The following EIF4B variants were observed in gnomAD, a reference collection of about 807,000 sequenced individuals.
EIF4B encodes eukaryotic translation initiation factor 4B.
Under a neutral mutation model 79.3 loss-of-function variants are expected in EIF4B, and 8 were observed. The observed-to-expected ratio is 0.10, with a 90% CI of 0.06 to 0.18. The LOEUF is 0.18. Among genes scored for constraint, EIF4B ranks in the 10% least tolerant of loss-of-function variants. EIF4B has a pLI of 1.00. For synonymous variants in EIF4B, 238 were observed against 274.7 expected, an observed-to-expected ratio of 0.87 and a Z score of 1.32; for missense variants, 515 against 792.4, an observed-to-expected ratio of 0.65 and a Z score of 4.20.
In EIF4B at chr12:53,034,007, C is replaced by T. The variant is rs770305806; in HGVS notation, c.1181C>T (p.Pro394Leu). 6.2e-7 allele frequency: 1 copy of T among 1,613,258 alleles called. No homozygotes were observed. Among genetic ancestry groups the T allele is most frequent in the Non-Finnish European group, 8.5e-7 (1 of 1,179,582 alleles). The change falls in exon 9 of 15, where the codon CCA (proline) becomes CTA (leucine). Residue 394 changes from proline to leucine, a missense_variant. Around this residue, in one of 6 missense-constraint regions of EIF4B, gnomAD observed 146 missense variants for 228.0 expected, o/e 0.64. Coordinates refer to ENST00000262056, the MANE Select transcript of EIF4B (RefSeq NM_001417.7). ...AAGTTGCAGCGTCAGCTGGATGAGC[C>T]AAAACTAGAACGACGGCCTCGGGAG... ...QEKLQRQLDE[P>L]KLERRPRERH...
chr12:53,008,437 C>G (rs1319747852), intron 1 of EIF4B, among the ~76,000 whole-genome samples: 1 of 152,180 alleles, frequency 6.6e-6, no homozygotes, highest in African/African-American at 2.4e-5. Flanking sequence ...TGGGGTTTAT[C>G]GGATTGTTTC....
Position 53,021,880 on chromosome 12 carries a change from T to C in EIF4B, c.532+20T>C. ...ATAAAGGTAAGGAAACTGGTAGAGA[T>C]TTCTGTTTGGTAATGGTCCCAGGAT... On this transcript the variant is annotated intron_variant, in intron 5 of 14. Transcript: ENST00000262056. 6.2e-7 allele frequency: 1 copy of C among 1,614,102 alleles called. No homozygotes were observed.
chr12:53,031,358 C>T (rs1236457041), intron 8 of EIF4B, among the ~76,000 whole-genome samples: 1 of 152,194 alleles, frequency 6.6e-6, no homozygotes, highest in African/African-American at 2.4e-5. Context: ...TTAACTGTAG[C>T]CTCAGCCTTC....
chr12:53,040,052 C>A, intron 14 of EIF4B, 91 bp from the exon 15 acceptor site: 2 of 1,418,230 alleles, frequency 1.4e-6, no homozygotes, highest in Non-Finnish European at 2.0e-6. Flanking sequence ...GACTGTCATC[C>A]CCCATTGCCA....
At position 53,018,956 on chromosome 12, in the gene EIF4B, C is replaced by T. The variant is rs200043651; in HGVS notation, c.310C>T (p.Pro104Ser). The change falls in exon 3 of 15, where the codon CCC becomes TCC. Residue 104 changes from proline to serine, a missense_variant. Transcript: ENST00000262056. ...PPYTAFLGNL[P>S]YDVTEESIKE... ...CTACACTGCTTTTCTAGGAAACCTA[C>T]CCTATGATGTTACAGAAGAGTCAAT... The T allele has an allele frequency of 1.2e-6, 2 of 1,613,864 alleles. No individual in the cohort carries two copies.
At chr12:53,033,443 A>G (rs1354557240) in intron 8 of EIF4B, among the ~76,000 whole-genome samples, 1 of 151,916 alleles carries the variant, frequency 6.6e-6, no homozygotes, top group Non-Finnish European at 1.5e-5. Flanking sequence ...CCCAGGTTCA[A>G]GCAATTCTCT....
chr12:53,025,552 C>G (rs932570708), intron 6 of EIF4B, among the ~76,000 whole-genome samples: 1 of 152,154 alleles, frequency 6.6e-6, no homozygotes, highest in Non-Finnish European at 1.5e-5. Flanking sequence ...TCAGGAAACA[C>G]AAGCTTATCA....
intron 8 of EIF4B, among the ~76,000 whole-genome samples, chr12:53,030,926 C>G (rs964210798): frequency 2.0e-5 from 3 of 151,908 alleles, no homozygotes; most frequent in African/African-American, 4.8e-5. Flanking sequence ...TGACCTTTTC[C>G]TCTCTCACAC....
intron 2 of EIF4B, 120 bp downstream of exon 2, chr12:53,016,730 A>T: frequency 7.4e-7 from 1 of 1,358,792 alleles, no homozygotes; most frequent in African/African-American, 1.5e-5. Flanking sequence ...AGCACCTGAA[A>T]TCTTACATAT....
chr12:53,024,347 A>G (rs1019095208), intron 6 of EIF4B, among the ~76,000 whole-genome samples: 2 of 152,230 alleles, frequency 1.3e-5, no homozygotes, highest in East Asian at 1.9e-4. Context: ...AACCTGTTAC[A>G]TTAAGGGGAA....
chr12:53,019,443 T>TTTTC (rs1943207342), intron 3 of EIF4B, among the ~76,000 whole-genome samples: 56 of 94,380 alleles, frequency 5.9e-4, no homozygotes, highest in South Asian at 1.1e-3. Context: ...ATATATTTTT[T>TTTTC]TTTTTTCTTT....
At chr12:53,023,578 ATTTTT>A (rs1210893432) in intron 6 of EIF4B, among the ~76,000 whole-genome samples, 1 of 109,224 alleles carries the variant, frequency 9.2e-6, no homozygotes, top group Admixed American at 1.0e-4. Flanking sequence ...AAAATGTAAA[ATTTTT>A]TTTTTTTTTT....
At chr12:53,022,698 T>TA (rs1231458988) in intron 6 of EIF4B, 71 bp downstream of exon 6, 5 of 1,537,696 alleles carry the variant, frequency 3.3e-6, no homozygotes, top group Non-Finnish European at 4.4e-6. Context: ...ACAAATGTGT[T>TA]ACAGATGATC....
rs764301314 is a variant in EIF4B at position 53,033,850 on chromosome 12, C to A, written c.1024C>A (p.Pro342Thr). ...ACTGAATCTAAAGCCTCGGAGTACT[C>A]CTAAGGAAGATGATTCCTCTGCTAG... ...PKLNLKPRSTPKEDDSSASTS... is the reference protein window; with the variant it reads ...PKLNLKPRSTTKEDDSSASTS... The change falls in exon 9 of 15, where the codon CCT becomes ACT. Residue 342 changes from proline to threonine, a missense_variant. By Grantham distance (38) the Pro-to-Thr change is conservative. Transcript: ENST00000262056. The A allele has an allele frequency of 2.5e-6, 4 of 1,613,828 alleles. No individual in the cohort carries two copies. Among genetic ancestry groups the A allele is most frequent in the Non-Finnish European group, 3.4e-6 (4 of 1,179,840 alleles).
intron 12 of EIF4B, chr12:53,039,023 A>C: frequency 2.1e-6 from 1 of 465,334 alleles, no homozygotes; most frequent in Non-Finnish European, 3.8e-6. Context: ...ATATCCCTAC[A>C]TGGAACTTTT....
chr12:53,037,175 AAG>A (rs947925318), intron 10 of EIF4B, among the ~76,000 whole-genome samples: 24 of 152,332 alleles, frequency 1.6e-4, no homozygotes, highest in African/African-American at 5.5e-4. Flanking sequence ...CATTCCTAAA[AAG>A]GTCACATGGC....
chr12:53,022,076 A>C (rs555817372), intron 5 of EIF4B, among the ~76,000 whole-genome samples: 3 of 152,352 alleles, frequency 2.0e-5, no homozygotes, highest in African/African-American at 7.2e-5. Context: ...AGTAGAATCC[A>C]GGGGTTAATT....
At chr12:53,016,331 C>G (rs1489026866) in intron 1 of EIF4B, 142 bp from the exon 2 acceptor site, 3 of 1,057,562 alleles carry the variant, frequency 2.8e-6, no homozygotes, top group Non-Finnish European at 4.0e-6. Flanking sequence ...GCATAGTACC[C>G]CTTCATGGAA....
chr12:53,031,706 C>G (rs1035775330), intron 8 of EIF4B, among the ~76,000 whole-genome samples: 15 of 152,164 alleles, frequency 9.9e-5, no homozygotes, highest in African/African-American at 3.4e-4. Context: ...GCTTAAAGCC[C>G]TCGTAGAAAA....
Sources: allele counts gnomAD v4.1 joint callset (sites outside exome capture counted in the v4.1 genomes callset), GRCh38; gene constraint gnomAD v4.1.1; regional missense constraint gnomAD v4.1.1; transcripts MANE v1.5; gene names NCBI Gene and HGNC (gene_info 2026-07-23, HGNC 2026-07-21).